Variants in RAP1GAP2 observed in about 807,000 individuals in gnomAD.
RAP1GAP2 encodes the protein rap1 GTPase-activating protein 2.
RAP1GAP2 carries 27 observed loss-of-function variants against 95.0 expected under a neutral mutation model. The observed-to-expected ratio is 0.28, with a 90% CI of 0.21 to 0.39. The LOEUF (loss-of-function observed/expected upper bound fraction) is 0.39. Among genes scored for constraint, RAP1GAP2 ranks in the 10% least tolerant of loss-of-function variants. The pLI, the probability that RAP1GAP2 is intolerant of heterozygous loss-of-function variation, is 1.00. For synonymous variants in RAP1GAP2, 373 were observed against 380.9 expected (o/e 0.98, Z 0.24); for missense variants, 771 against 970.0 (o/e 0.79, Z 2.72).
chr17:2,848,243 C>A (rs575105566), intron 2 of RAP1GAP2, among the ~76,000 whole-genome samples: 1 of 152,118 alleles, frequency 6.6e-6, no homozygotes, highest in African/African-American at 2.4e-5. Context: ...CACAGAGATC[C>A]GTTTCCAAAA....
At chr17:2,999,712 AG>A (rs1567877118) in intron 14 of RAP1GAP2, among the ~76,000 whole-genome samples, 1 of 151,920 alleles carries the variant, frequency 6.6e-6, no homozygotes, top group Admixed American at 6.6e-5. Context: ...TTTGGGAGGC[AG>A]AGGCAGGAGG....
chr17:2,806,423 C>T (rs1441653974), intron 2 of RAP1GAP2, among the ~76,000 whole-genome samples: 8 of 119,272 alleles, frequency 6.7e-5, no homozygotes, highest in Admixed American at 1.6e-4. Context: ...GAGGGAGTCT[C>T]GCTCTGTCGC....
In RAP1GAP2 at chr17:2,859,041, T is replaced by C. The variant is rs2072262782; in HGVS notation, c.81-46243T>C. The stretch of plus-strand genomic sequence containing the variant: ...TCGTAAAAGTTTTCAAAAGTTTTTT[T>C]GAGTCAGAATTCAAACAATACTATG... On this transcript the variant is annotated intron_variant, in intron 2 of 24. Transcript: ENST00000254695. Among the ~76,000 whole-genome samples the C allele has an allele frequency of 2.0e-5, 3 of 152,204 alleles. No individual in the cohort carries two copies. The South Asian group carries it at 6.2e-4, about 31-fold the overall frequency.
intron 2 of RAP1GAP2, among the ~76,000 whole-genome samples, chr17:2,805,166 A>G (rs1452822148): frequency 6.6e-6 from 1 of 152,104 alleles, no homozygotes; most frequent in Non-Finnish European, 1.5e-5. Context: ...GGCCCATCAC[A>G]TGCAGGTGGA....
intron 2 of RAP1GAP2, among the ~76,000 whole-genome samples, chr17:2,879,893 T>C (rs1192577095): frequency 6.6e-6 from 1 of 151,924 alleles, no homozygotes; most frequent in Non-Finnish European, 1.5e-5. Flanking sequence ...GGGGGGCTGG[T>C]GAGGGCAGGA....
chr17:2,890,206 C>G (rs1410332145), intron 2 of RAP1GAP2, among the ~76,000 whole-genome samples: 1 of 152,044 alleles, frequency 6.6e-6, no homozygotes, highest in Non-Finnish European at 1.5e-5. Context: ...GAGGATGGGC[C>G]AGGTGCCCTG....
At chr17:2,803,171 A>T (rs1371872361) in intron 2 of RAP1GAP2, among the ~76,000 whole-genome samples, 1 of 152,134 alleles carries the variant, frequency 6.6e-6, no homozygotes, top group Non-Finnish European at 1.5e-5. Context: ...TATAGGGTAG[A>T]GTGAAAAGCT....
In RAP1GAP2 at chr17:3,026,477, C is replaced by A; in HGVS notation, c.1980+13C>A. On this transcript the variant is annotated intron_variant, in intron 21 of 24. Transcript: ENST00000254695. Reference sequence around the variant, plus strand: ...GGGCGACAGTGGGGTAGGTGTGCCCCGTCCACCCTTGGGCAGGCACTCTGG... The same window carrying A: ...GGGCGACAGTGGGGTAGGTGTGCCCAGTCCACCCTTGGGCAGGCACTCTGG... The A allele has an allele frequency of 6.5e-7, 1 of 1,536,184 alleles. No individual in the cohort carries two copies. Among genetic ancestry groups the A allele is most frequent in the South Asian group, 1.2e-5 (1 of 82,460 alleles).
In RAP1GAP2 at chr17:2,836,539, C is replaced by T. The variant is rs115683977; in HGVS notation, c.80+35989C>T. On this transcript the variant is annotated intron_variant, in intron 2 of 24. Coordinates refer to ENST00000254695, the MANE Select transcript of RAP1GAP2 (RefSeq NM_015085.5). ...CCCAGCTCCTCAAAAGGCTGAGGTA[C>T]GAGAATCGCTTGGACCTGGGAGGCG... 4.5e-3 allele frequency among the ~76,000 whole-genome samples: 685 copies of T among 152,096 alleles called. 7 individuals carry two copies. The highest frequency in any genetic ancestry group is 0.015 in the African/African-American group (636 of 41,498).
chr17:2,790,996 T>C (rs1342473248), intron 1 of RAP1GAP2, among the ~76,000 whole-genome samples: 2 of 152,230 alleles, frequency 1.3e-5, no homozygotes, highest in Non-Finnish European at 2.9e-5. Flanking sequence ...TTTGAGGTCA[T>C]GAGTTCGAGA....
chr17:2,892,745 G>A (rs2073764591), intron 2 of RAP1GAP2, among the ~76,000 whole-genome samples: 1 of 152,118 alleles, frequency 6.6e-6, no homozygotes, highest in South Asian at 2.1e-4. Flanking sequence ...ATTCCTGAAA[G>A]TGAGGTAATG....
intron 22 of RAP1GAP2, among the ~76,000 whole-genome samples, chr17:3,030,175 T>TACACACACACACACAC (rs1491269596): frequency 4.8e-5 from 5 of 103,374 alleles, no homozygotes; most frequent in African/African-American, 1.2e-4. Flanking sequence ...TAATATATAT[T>TACACACACACACACAC]ATACACACAC....
At chr17:2,999,868 C>G (rs552017381) in intron 14 of RAP1GAP2, among the ~76,000 whole-genome samples, 1 of 152,228 alleles carries the variant, frequency 6.6e-6, no homozygotes, top group Non-Finnish European at 1.5e-5. Flanking sequence ...GAGGCTGATT[C>G]CTTCATGCCC....
At chr17:2,909,421 G>C (rs1164741951) in intron 3 of RAP1GAP2, among the ~76,000 whole-genome samples, 1 of 152,138 alleles carries the variant, frequency 6.6e-6, no homozygotes, top group Non-Finnish European at 1.5e-5. Context: ...GAGATGGTCA[G>C]AGTCAGAGGG....
chr17:2,905,559 T>C (rs927222932), intron 3 of RAP1GAP2, among the ~76,000 whole-genome samples, 191 bp downstream of exon 3: 2 of 152,136 alleles, frequency 1.3e-5, no homozygotes, highest in Non-Finnish European at 2.9e-5. Context: ...TCAGGGTGTC[T>C]GTGTCAAGGG....
chr17:2,955,715 T>C (rs1482822778), intron 3 of RAP1GAP2, among the ~76,000 whole-genome samples: 1 of 152,208 alleles, frequency 6.6e-6, no homozygotes, highest in Non-Finnish European at 1.5e-5. Context: ...TTTTTATTTG[T>C]TATATGTCTT....
At chr17:2,789,997 G>A (rs941174917) in intron 1 of RAP1GAP2, among the ~76,000 whole-genome samples, 3 of 152,086 alleles carry the variant, frequency 2.0e-5, no homozygotes, top group African/African-American at 7.2e-5. Context: ...CAGATGCTAG[G>A]TGCTGTTTTT....
intron 17 of RAP1GAP2, among the ~76,000 whole-genome samples, chr17:3,009,779 G>GA (rs2046453834): frequency 6.6e-6 from 1 of 152,128 alleles, no homozygotes; most frequent in African/African-American, 2.4e-5. Flanking sequence ...GGGTGAAATA[G>GA]GAGAAATTGG....
intron 2 of RAP1GAP2, among the ~76,000 whole-genome samples, chr17:2,879,246 T>G (rs2073202295): frequency 1.4e-4 from 21 of 151,730 alleles, no homozygotes; most frequent in Admixed American, 1.4e-3. Flanking sequence ...CTCCCAAGTA[T>G]CTAGTTTTAC....
Sources: allele counts gnomAD v4.1 joint callset (sites outside exome capture counted in the v4.1 genomes callset), GRCh38; gene constraint gnomAD v4.1.1; transcripts MANE v1.5; gene names NCBI Gene and HGNC (gene_info 2026-07-23, HGNC 2026-07-21).